PTPRD: variants seen among roughly 807,000 people sequenced by gnomAD.
PTPRD encodes the protein receptor-type tyrosine-protein phosphatase delta.
Under a neutral mutation model 214.5 loss-of-function variants are expected in PTPRD, and 34 were observed. The ratio of observed to expected loss-of-function variants is 0.16; its 90% CI spans 0.12 to 0.21. The LOEUF is 0.21. PTPRD is among the 10% of genes least tolerant of loss of function. PTPRD has a pLI of 1.00. For synonymous variants in PTPRD, 1,128 were observed against 845.7 expected (o/e 1.33, Z -5.79); for missense variants, 2,545 against 2,398.7 (o/e 1.06, Z -1.27).
At chr9:8,326,133 T>G (rs1389891398) in intron 44 of PTPRD, among the ~76,000 whole-genome samples, 1 of 152,264 alleles carries the variant, frequency 6.6e-6, no homozygotes, top group East Asian at 1.9e-4. Flanking sequence ...AGAGAGGGCA[T>G]CCCTCTCTTG....
chr9:9,659,107 T>C (rs2096575471), intron 7 of PTPRD, among the ~76,000 whole-genome samples: 1 of 152,114 alleles, frequency 6.6e-6, no homozygotes, highest in Non-Finnish European at 1.5e-5. Context: ...AACAGTTGCT[T>C]TTTTATTAAA....
chr9:8,440,320 T>C (rs1217357309), intron 34 of PTPRD, among the ~76,000 whole-genome samples: 3 of 34,030 alleles, frequency 8.8e-5, no homozygotes, highest in Non-Finnish European at 1.7e-4. Context: ...AAATGTATTA[T>C]TTTTTTTTTT....
intron 2 of PTPRD, among the ~76,000 whole-genome samples, chr9:10,604,536 C>T (rs1479462046): frequency 6.6e-6 from 1 of 151,808 alleles, no homozygotes; most frequent in African/African-American, 2.4e-5. Context: ...TAGACTTAAT[C>T]CCTGAGACAA....
intron 6 of PTPRD, among the ~76,000 whole-genome samples, chr9:9,739,018 T>TA (rs1337383616): frequency 6.6e-6 from 1 of 152,168 alleles, no homozygotes; most frequent in Non-Finnish European, 1.5e-5. Flanking sequence ...GGAACCTCAA[T>TA]AAAAAATCAT....
intron 3 of PTPRD, among the ~76,000 whole-genome samples, chr9:10,114,749 T>C (rs1244372919): frequency 6.6e-6 from 1 of 152,060 alleles, no homozygotes; most frequent in South Asian, 2.1e-4. Context: ...TTTAAAACAA[T>C]GCTAATATAG....
At chr9:8,597,410 T>C (rs77223726) in intron 14 of PTPRD, among the ~76,000 whole-genome samples, 1 of 152,086 alleles carries the variant, frequency 6.6e-6, no homozygotes, top group African/African-American at 2.4e-5. Context: ...TGGCTTTTTT[T>C]AAAATTATTC....
intron 10 of PTPRD, among the ~76,000 whole-genome samples, chr9:9,038,674 C>T (rs972239950): frequency 3.3e-5 from 5 of 150,748 alleles, no homozygotes; most frequent in Admixed American, 2.0e-4. Flanking sequence ...CCTGACTCAA[C>T]CTCCCAAGTA....
chr9:10,437,860 A>G (rs938285846), intron 2 of PTPRD, among the ~76,000 whole-genome samples: 35 of 150,724 alleles, frequency 2.3e-4, no homozygotes, highest in Admixed American at 1.4e-3. Context: ...TATGGCCCAT[A>G]TAGTGTCAGT....
intron 5 of PTPRD, among the ~76,000 whole-genome samples, chr9:9,925,860 G>C (rs764993657): frequency 3.9e-5 from 6 of 151,988 alleles, no homozygotes; most frequent in African/African-American, 1.2e-4. Context: ...TTAGGGTCTG[G>C]CTTTATCACC....
chr9:9,629,543 C>T (rs570175727), intron 7 of PTPRD, among the ~76,000 whole-genome samples: 1 of 152,052 alleles, frequency 6.6e-6, no homozygotes, highest in Admixed American at 6.6e-5. Flanking sequence ...AAATTAAATG[C>T]ACAAAATACT....
chr9:9,970,913 A>G (rs1398581246), intron 4 of PTPRD, among the ~76,000 whole-genome samples: 1 of 152,194 alleles, frequency 6.6e-6, no homozygotes, highest in Non-Finnish European at 1.5e-5. Context: ...TTAAATACAG[A>G]CTGTTTATTG....
At chr9:8,868,254 G>A (rs1821334) in intron 11 of PTPRD, among the ~76,000 whole-genome samples, 2 of 152,072 alleles carry the variant, frequency 1.3e-5, no homozygotes, top group Non-Finnish European at 2.9e-5. Context: ...GGCTGGAGTA[G>A]AGTGGCACGA....
intron 3 of PTPRD, among the ~76,000 whole-genome samples, chr9:10,211,645 G>T (rs575468149): frequency 6.6e-6 from 1 of 152,240 alleles, no homozygotes; most frequent in East Asian, 1.9e-4. Context: ...AATGTCTTTT[G>T]CCCCAACATG....
chr9:9,674,238 T>C (rs1340301328), intron 7 of PTPRD, among the ~76,000 whole-genome samples: 1 of 151,858 alleles, frequency 6.6e-6, no homozygotes, highest in Non-Finnish European at 1.5e-5. Context: ...GTATTTTAGG[T>C]ATTGATACTG....
chr9:10,270,044 A>G (rs1305555056), intron 3 of PTPRD, among the ~76,000 whole-genome samples: 3 of 152,054 alleles, frequency 2.0e-5, no homozygotes, highest in African/African-American at 7.2e-5. Context: ...TTAGCTGATA[A>G]TGAGATTAAA....
chr9:10,149,401 A>C (rs115593846), intron 3 of PTPRD, among the ~76,000 whole-genome samples: 2,657 of 152,316 alleles, frequency 0.017, 75 homozygotes, highest in African/African-American at 0.06. Flanking sequence ...TTTATGCATG[A>C]ACAACATGAA....
chr9:9,423,166 A>G (rs1276075921), intron 8 of PTPRD, among the ~76,000 whole-genome samples: 2 of 152,098 alleles, frequency 1.3e-5, no homozygotes, highest in African/African-American at 4.8e-5. Context: ...ACAGTTTTTC[A>G]CACAATGTCC....
chr9:9,565,907 T>A (rs1211782427), intron 8 of PTPRD, among the ~76,000 whole-genome samples: 1 of 151,982 alleles, frequency 6.6e-6, no homozygotes, highest in African/African-American at 2.4e-5. Flanking sequence ...CCTTTGTTGA[T>A]GGTGTCTTCT....
At chr9:8,570,330 A>G (rs1483013789) in intron 14 of PTPRD, among the ~76,000 whole-genome samples, 1 of 152,196 alleles carries the variant, frequency 6.6e-6, no homozygotes, top group African/African-American at 2.4e-5. Flanking sequence ...TCAAAACTAA[A>G]TTGCAAAACA....
Sources: allele counts gnomAD v4.1 joint callset (sites outside exome capture counted in the v4.1 genomes callset), GRCh38; gene constraint gnomAD v4.1.1; transcripts MANE v1.5; gene names NCBI Gene and HGNC (gene_info 2026-07-23, HGNC 2026-07-21).